Variants in PPP1R3A observed in about 807,000 individuals in gnomAD.
The protein encoded by PPP1R3A is protein phosphatase 1 regulatory subunit 3A.
PPP1R3A carries 29 observed loss-of-function variants against 41.7 expected under a neutral mutation model. The observed-to-expected ratio is 0.70, with a 90% CI of 0.52 to 0.95. The LOEUF (loss-of-function observed/expected upper bound fraction) is 0.95. PPP1R3A is among the 40% of genes least tolerant of loss of function. The pLI is 0.00. For missense variants in PPP1R3A, 1,352 were observed against 1,292.4 expected (o/e 1.05, Z -0.71); for synonymous variants, 485 against 453.4 (o/e 1.07, Z -0.89).
At position 113,882,107 on chromosome 7, in the gene PPP1R3A, T is replaced by C. The variant is rs778999008; in HGVS notation, c.898A>G (p.Ser300Gly). Residue 300 changes from serine (S) to glycine (G), a missense_variant, in exon 3 of 4, where the codon AGT (serine) becomes GGT (glycine). By Grantham distance (56) the Ser-to-Gly change is moderately conservative. Coordinates refer to ENST00000284601, the MANE Select transcript of PPP1R3A (RefSeq NM_002711.4). ...TTTACATCTTTTACATTTCGATTAC[T>C]GGCTTCCAAATCTTCCTTGTCCTCA... is the stretch of plus-strand genomic sequence containing the variant. The part of the protein sequence containing the change: ...SHEDKEDLEA[S>G]NRNVKDVNRE... The C allele has an allele frequency of 3.1e-6, 5 of 1,612,048 alleles. No homozygotes were observed. The highest frequency in any genetic ancestry group is 4.2e-6 in the Non-Finnish European group (5 of 1,178,502).
At position 113,918,368 on chromosome 7, in the gene PPP1R3A, C is replaced by T. The variant is rs776392306; in HGVS notation, c.629G>A (p.Arg210His). Residue 210 changes from arginine (R) to histidine (H), a missense_variant, in exon 1 of 4, where the codon CGT (arginine) becomes CAT (histidine). Transcript: ENST00000284601. ...AAATGTACCAACAGAAGTTTCATAACGTATACAAAACTCAACTTTACTGCC... is the reference window on the plus strand; with the variant it reads ...AAATGTACCAACAGAAGTTTCATAATGTATACAAAACTCAACTTTACTGCC... ...KDGSKVEFCI[R>H]YETSVGTFWS... 9.9e-6 allele frequency: 16 copies of T among 1,613,282 alleles called. No homozygotes were observed. The highest frequency in any genetic ancestry group is 1.7e-4 in the Middle Eastern group (1 of 6,058).
At chr7:113,911,103 T>G (rs1797236792) in intron 1 of PPP1R3A, among the ~76,000 whole-genome samples, 1 of 152,086 alleles carries the variant, frequency 6.6e-6, no homozygotes, top group Non-Finnish European at 1.5e-5. Flanking sequence ...AATTTTAGAA[T>G]TTCCTACGAC....
chr7:113,888,584 C>T (rs1449332469), intron 1 of PPP1R3A, among the ~76,000 whole-genome samples: 3 of 152,106 alleles, frequency 2.0e-5, no homozygotes, highest in African/African-American at 7.2e-5. Context: ...TACAAGTCAG[C>T]AAGGTCTTGA....
At chr7:113,902,756 A>G (rs1010886858) in intron 1 of PPP1R3A, among the ~76,000 whole-genome samples, 1 of 151,812 alleles carries the variant, frequency 6.6e-6, no homozygotes, top group African/African-American at 2.4e-5. Context: ...ATGCTTCTCA[A>G]TTGCATTTAT....
At chr7:113,913,044 A>C (rs977487633) in intron 1 of PPP1R3A, among the ~76,000 whole-genome samples, 7 of 152,094 alleles carry the variant, frequency 4.6e-5, no homozygotes, top group African/African-American at 1.7e-4. Flanking sequence ...CCTCGCTGTC[A>C]ACCAGCTGGC....
chr7:113,881,294 A>G (rs1796691716), intron 3 of PPP1R3A, among the ~76,000 whole-genome samples: 1 of 152,032 alleles, frequency 6.6e-6, no homozygotes, highest in African/African-American at 2.4e-5. Flanking sequence ...ATGTCATTTT[A>G]ATCTTAGATG....
intron 1 of PPP1R3A, among the ~76,000 whole-genome samples, chr7:113,901,219 C>T (rs1797055999): frequency 6.6e-6 from 1 of 151,614 alleles, no homozygotes; most frequent in Non-Finnish European, 1.5e-5. Context: ...GTGAAATAAT[C>T]CAAAGAGGGT....
At chr7:113,916,227 T>A (rs1489677994) in intron 1 of PPP1R3A, among the ~76,000 whole-genome samples, 2 of 152,098 alleles carry the variant, frequency 1.3e-5, no homozygotes, top group Non-Finnish European at 2.9e-5. Context: ...TCCATTTTTA[T>A]AACTCATTAG....
At position 113,918,402 on chromosome 7, in the gene PPP1R3A, G is replaced by T; in HGVS notation, c.595C>A (p.Gln199Lys). 3 of 1,613,306 alleles carry T rather than the reference G, an allele frequency of 1.9e-6. No homozygotes were observed. The highest frequency in any genetic ancestry group is 2.5e-6 in the Non-Finnish European group (3 of 1,179,662). Residue 199 changes from glutamine (Q) to lysine (K), a missense_variant, in exon 1 of 4, where the codon CAA becomes AAA. Transcript: ENST00000284601. The stretch of plus-strand genomic sequence containing the variant: ...AACTCAACTTTACTGCCATCTTTTT[G>T]ATAAGGAGGAACCAATACAATCTTA... ...SFKIVLVPPY[Q>K]KDGSKVEFCI...
rs745693955 is a variant in PPP1R3A, at chr7:113,879,199, A to G, written c.1893T>C (p.Leu631=). ...RTGNVLRNDY[L]FQVEEKSGGI... The stretch of plus-strand genomic sequence containing the variant: ...CACCTGATTTTTCTTCAACTTGGAA[A>G]AGATAATCATTCCTCAAAACATTTC... Residue 631 remains leucine, a synonymous_variant, in exon 4 of 4, where the codon CTT becomes CTC. Transcript: ENST00000284601. 2.5e-6 allele frequency: 4 copies of G among 1,613,602 alleles called. No homozygotes were observed. Among genetic ancestry groups the G allele is most frequent in the Non-Finnish European group, 3.4e-6 (4 of 1,179,758 alleles).
At chr7:113,901,890 G>A (rs1326802054) in intron 1 of PPP1R3A, among the ~76,000 whole-genome samples, 2 of 151,628 alleles carry the variant, frequency 1.3e-5, no homozygotes, top group Middle Eastern at 3.4e-3. Context: ...CAGGGTTGTC[G>A]AAAAAAGATC....
At chr7:113,882,805 A>C (rs1584812626) in intron 1 of PPP1R3A, among the ~76,000 whole-genome samples, 1 of 152,074 alleles carries the variant, frequency 6.6e-6, no homozygotes, top group Middle Eastern at 3.4e-3. Context: ...TTGGACTAAC[A>C]TTAACTCTCT....
At chr7:113,917,533 C>A (rs577090626) in intron 1 of PPP1R3A, among the ~76,000 whole-genome samples, 1 of 152,110 alleles carries the variant, frequency 6.6e-6, no homozygotes, top group East Asian at 1.9e-4. Context: ...ATATTTGGGT[C>A]ATTTTTTGTT....
chr7:113,918,308 A>G lies in PPP1R3A; in HGVS notation c.689T>C (p.Ile230Thr). The G allele has an allele frequency of 6.2e-7, 1 of 1,612,772 alleles. No individual in the cohort carries two copies. Residue 230 changes from isoleucine to threonine, a missense_variant, in exon 1 of 4, where the codon ATT (isoleucine) becomes ACT (threonine). Coordinates refer to ENST00000284601, the MANE Select transcript of PPP1R3A (RefSeq NM_002711.4). ...SNNNGTNYTF[I>T]CQKKEQEPEP... ...CGGCTCTTGTTCTTTCTTTTGACAA[A>G]TGAATGTATAATTTGTGCCATTATT...
At position 113,877,737 on chromosome 7, in the gene PPP1R3A, CAG is replaced by C. The variant is rs1796592065; in HGVS notation, c.3353_3354del (p.Ser1118CysfsTer16). On this transcript the variant is annotated frameshift_variant, in exon 4 of 4. Coordinates refer to ENST00000284601, the MANE Select transcript of PPP1R3A (RefSeq NM_002711.4). LOFTEE classifies it high-confidence loss of function. ...TAGTGCTGAGGTTACTTCTTTTTGA[CAG>C]ACTCTTTTTGTCTACCCTCTTCCCA... ...LSWEEGRQKE[S>X]VKKK 6.4e-7 allele frequency: 1 copy of C among 1,550,444 alleles called. No individual in the cohort carries two copies. Among genetic ancestry groups the C allele is most frequent in the Non-Finnish European group, 8.7e-7 (1 of 1,153,296 alleles).
At chr7:113,902,254 A>C (rs1797074882) in intron 1 of PPP1R3A, among the ~76,000 whole-genome samples, 1 of 151,738 alleles carries the variant, frequency 6.6e-6, no homozygotes, top group African/African-American at 2.4e-5. Context: ...CAGCCTCCCA[A>C]GTATATGGGA....
intron 1 of PPP1R3A, among the ~76,000 whole-genome samples, chr7:113,893,153 T>C (rs1796921258): frequency 6.6e-6 from 1 of 151,996 alleles, no homozygotes; most frequent in African/African-American, 2.4e-5. Context: ...ATGGAACCAA[T>C]TTCACTTCTC....
At position 113,919,005 on chromosome 7, in the gene PPP1R3A, C is replaced by CTTATT; in HGVS notation, c.-10_-9insAATAA. The CTTATT allele has an allele frequency of 6.2e-7, 1 of 1,607,244 alleles. No homozygotes were observed. Among genetic ancestry groups the CTTATT allele is most frequent in the Non-Finnish European group, 8.5e-7 (1 of 1,174,446 alleles). The stretch of plus-strand genomic sequence containing the variant: ...ACTTCAGAAGGCTCCATTGGGCTCT[C>CTTATT]TGATATCAAATAAGAGAGAACTGTA... On this transcript the variant is annotated 5_prime_UTR_variant, in exon 1 of 4. Coordinates refer to ENST00000284601, the MANE Select transcript of PPP1R3A (RefSeq NM_002711.4).
At chr7:113,884,863 G>C (rs1199241285) in intron 1 of PPP1R3A, among the ~76,000 whole-genome samples, 1 of 152,036 alleles carries the variant, frequency 6.6e-6, no homozygotes, top group Admixed American at 6.6e-5. Context: ...TTCATTGTGT[G>C]TAGGGGGGCA....
Sources: gnomAD v4.1 joint callset for allele counts (sites outside exome capture counted in the v4.1 genomes callset) on GRCh38, gnomAD v4.1.1 for gene constraint, MANE v1.5 for transcripts, NCBI Gene and HGNC (gene_info 2026-07-23, HGNC 2026-07-21) for gene names.